The following CADPS variants were observed in gnomAD, a reference collection of about 807,000 sequenced individuals.
CADPS encodes the protein calcium-dependent secretion activator 1.
Under a neutral mutation model 167.3 loss-of-function variants are expected in CADPS, and 57 were observed. That is an observed-to-expected ratio of 0.34 (90% confidence interval 0.28 to 0.42). The LOEUF (loss-of-function observed/expected upper bound fraction) is 0.42. Ranked by LOEUF, CADPS falls within the 20% of genes least tolerant of loss-of-function variation. The pLI, the probability that CADPS is intolerant of heterozygous loss-of-function variation, is 1.00. For missense variants in CADPS, 1,414 were observed against 1,738.1 expected (o/e 0.81, Z 3.32); for synonymous variants, 676 against 635.3 (o/e 1.06, Z -0.96).
At chr3:62,681,877 G>T (rs572570256) in intron 3 of CADPS, among the ~76,000 whole-genome samples, 1 of 152,016 alleles carries the variant, frequency 6.6e-6, no homozygotes, top group Non-Finnish European at 1.5e-5. Context: ...GAAAATAAAG[G>T]GTGCTGGGTG....
chr3:62,871,556 A>T (rs183396622), intron 1 of CADPS, among the ~76,000 whole-genome samples: 1 of 152,134 alleles, frequency 6.6e-6, no homozygotes, highest in Non-Finnish European at 1.5e-5. Flanking sequence ...TGGAATCAGA[A>T]TGTTTCACAC....
In CADPS at chr3:62,518,118, T is replaced by C. The variant is rs769727764; in HGVS notation, c.2393+31A>G. 4 of 1,486,338 alleles carry C rather than the reference T, an allele frequency of 2.7e-6. No individual in the cohort carries two copies. In the South Asian group the frequency reaches 4.5e-5, roughly 17 times the overall value. 92.1% of individuals were successfully genotyped at this position (1,486,338 alleles called of 1,614,324 possible). A position where few individuals can be genotyped will look rare whatever the true frequency, so the allele number is the denominator to read the frequency against. On this transcript the variant is annotated intron_variant, in intron 14 of 29. Coordinates refer to ENST00000383710, the MANE Select transcript of CADPS (RefSeq NM_003716.4). ...GTTTTCCCTTCCCACTCTCATCTCC[T>C]AATTAAAGCTCTCCAGCCCCAGATC...
intron 6 of CADPS, among the ~76,000 whole-genome samples, chr3:62,634,179 G>C (rs1056547941): frequency 6.6e-6 from 1 of 152,182 alleles, no homozygotes; most frequent in African/African-American, 2.4e-5. Context: ...AACAGGTCTA[G>C]AGAAATTACC....
rs1578635016 is a variant in CADPS, at chr3:62,603,879, T to G, written c.1326-11131A>C. On this transcript the variant is annotated intron_variant, in intron 6 of 29. Coordinates refer to ENST00000383710, the MANE Select transcript of CADPS (RefSeq NM_003716.4). ...TCTCGCTCTGTCACCCAGGCTGGAG[T>G]GCAGTGGCGTGATCTCGGCTCACTG... is the stretch of plus-strand genomic sequence containing the variant. Among the ~76,000 whole-genome samples the G allele has an allele frequency of 1.3e-5, 2 of 151,900 alleles. 1 individual carries two copies. The highest frequency in any genetic ancestry group is 4.2e-4 in the South Asian group (2 of 4,812).
intron 8 of CADPS, among the ~76,000 whole-genome samples, chr3:62,583,007 T>G (rs2083744124): frequency 6.6e-6 from 1 of 152,204 alleles, no homozygotes; most frequent in African/African-American, 2.4e-5. Flanking sequence ...ATAAAACTCC[T>G]AGTACAGTGC....
At chr3:62,473,874 G>A in intron 24 of CADPS, 1 of 256,218 alleles carries the variant, frequency 3.9e-6, no homozygotes, top group Non-Finnish European at 7.3e-6. Flanking sequence ...ACACAGATCT[G>A]TTCGAGACAC....
rs111933682 is a variant in CADPS, at chr3:62,491,560, C to A, written c.2885-80G>T. On this transcript the variant is annotated intron_variant, in intron 20 of 29. Transcript: ENST00000383710. ...CAACACACACACACACACACACAAA[C>A]ACACACACACACACACACACACACA... 148 of 604,252 alleles carry A rather than the reference C, an allele frequency of 2.4e-4. 1 individual carries two copies. The highest frequency in any genetic ancestry group is 2.1e-3 in the African/African-American group (101 of 47,702). 37.4% of individuals were successfully genotyped at this position (604,252 alleles called of 1,614,324 possible).
chr3:62,494,815 T>G (rs888912228), intron 18 of CADPS, among the ~76,000 whole-genome samples: 10 of 150,248 alleles, frequency 6.7e-5, no homozygotes, highest in African/African-American at 1.5e-4. Flanking sequence ...CTAATTTTTT[T>G]TTGTTGTTTG....
chr3:62,607,107 G>C (rs1306089262), intron 6 of CADPS, among the ~76,000 whole-genome samples: 3 of 152,188 alleles, frequency 2.0e-5, no homozygotes, highest in African/African-American at 7.2e-5. Flanking sequence ...CTGTTGGTCT[G>C]TCTGCAGTCC....
chr3:62,843,747 G>T (rs1300623143), intron 1 of CADPS, among the ~76,000 whole-genome samples: 1 of 152,096 alleles, frequency 6.6e-6, no homozygotes, highest in Non-Finnish European at 1.5e-5. Flanking sequence ...TTTCCTGGAA[G>T]TCACTCAGAT....
chr3:62,418,770 C>T (rs2050720100), intron 28 of CADPS, among the ~76,000 whole-genome samples: 1 of 152,042 alleles, frequency 6.6e-6, no homozygotes, highest in Admixed American at 6.6e-5. Flanking sequence ...TATACCTTCC[C>T]CCCTCTATCT....
At chr3:62,737,917 T>C (rs983621269) in intron 3 of CADPS, among the ~76,000 whole-genome samples, 2 of 152,210 alleles carry the variant, frequency 1.3e-5, no homozygotes, top group African/African-American at 4.8e-5. Context: ...TGATTTGTTT[T>C]TCTTTATAGC....
intron 23 of CADPS, among the ~76,000 whole-genome samples, chr3:62,477,108 G>A (rs930257886): frequency 6.6e-6 from 1 of 152,126 alleles, no homozygotes; most frequent in Non-Finnish European, 1.5e-5. Flanking sequence ...CTGAGATGCT[G>A]TTCACCTACC....
In CADPS at chr3:62,516,160, G is replaced by A; in HGVS notation, c.2480C>T (p.Thr827Ile). The change falls in exon 16 of 30, where the codon ACC becomes ATC. Residue 827 changes from threonine to isoleucine, a missense_variant. Physicochemically the swap from Thr to Ile is moderately conservative, Grantham distance 89. Coordinates refer to ENST00000383710, the MANE Select transcript of CADPS (RefSeq NM_003716.4). ...TTTTACCTCCTCTTGTGGCACTGGG[G>A]TAACAATATCTTTCATCAAAACCTT... ...LERVLMKDIVTPVPQEEVKTV... is the reference protein window; with the variant it reads ...LERVLMKDIVIPVPQEEVKTV... 6.2e-7 allele frequency: 1 copy of A among 1,613,126 alleles called. No homozygotes were observed. Among genetic ancestry groups the A allele is most frequent in the Non-Finnish European group, 8.5e-7 (1 of 1,179,308 alleles).
intron 11 of CADPS, among the ~76,000 whole-genome samples, chr3:62,543,934 T>C: frequency 6.6e-6 from 1 of 152,154 alleles, no homozygotes; most frequent in East Asian, 1.9e-4. Context: ...ATGTCTCCTT[T>C]TTCTCTTACA....
At chr3:62,615,863 T>C (rs2062189834) in intron 6 of CADPS, among the ~76,000 whole-genome samples, 2 of 152,188 alleles carry the variant, frequency 1.3e-5, no homozygotes, top group African/African-American at 4.8e-5. Flanking sequence ...TCTCCTCTTA[T>C]AGCTTTCAGA....
intron 1 of CADPS, among the ~76,000 whole-genome samples, chr3:62,800,434 T>C (rs561179065): frequency 7.2e-4 from 109 of 152,276 alleles, no homozygotes; most frequent in African/African-American, 2.5e-3. Flanking sequence ...TTGACTTTTA[T>C]ATACAGACTA....
intron 10 of CADPS, among the ~76,000 whole-genome samples, chr3:62,552,029 GC>G (rs2077393053): frequency 1.3e-5 from 2 of 152,038 alleles, no homozygotes; most frequent in Non-Finnish European, 2.9e-5. Context: ...TATCCCTGGA[GC>G]CTAGAATAGT....
intron 2 of CADPS, among the ~76,000 whole-genome samples, chr3:62,760,241 C>A (rs979041226): frequency 5.3e-5 from 8 of 151,972 alleles, no homozygotes; most frequent in Non-Finnish European, 8.8e-5. Context: ...AATAATGGAA[C>A]TGTCCAGGTA....
Sources: gnomAD v4.1 joint callset for allele counts (sites outside exome capture counted in the v4.1 genomes callset) on GRCh38, gnomAD v4.1.1 for gene constraint, MANE v1.5 for transcripts, NCBI Gene and HGNC (gene_info 2026-07-23, HGNC 2026-07-21) for gene names.